The following GRM1 variants were observed in gnomAD, a reference collection of about 807,000 sequenced individuals.
GRM1 encodes metabotropic glutamate receptor 1.
Under a neutral mutation model 90.9 loss-of-function variants are expected in GRM1, and 33 were observed. That is an observed-to-expected ratio of 0.36 (90% CI 0.28 to 0.49). The LOEUF (loss-of-function observed/expected upper bound fraction) is 0.49. Ranked by LOEUF, GRM1 falls within the 20% of genes least tolerant of loss-of-function variation. GRM1 has a pLI of 0.99. For missense variants in GRM1, 1,190 were observed against 1,534.3 expected (o/e 0.78, Z 3.75); for synonymous variants, 700 against 613.2 (o/e 1.14, Z -2.09).
At chr6:146,392,011 G>T (rs573236045) in intron 6 of GRM1, among the ~76,000 whole-genome samples, 15 of 152,250 alleles carry the variant, frequency 9.9e-5, no homozygotes, top group African/African-American at 3.6e-4. Flanking sequence ...TTTATAGCTA[G>T]ATTTGGACAA....
chr6:146,293,916 TA>T (rs943588530), intron 2 of GRM1, among the ~76,000 whole-genome samples: 100 of 151,654 alleles, frequency 6.6e-4, no homozygotes, highest in African/African-American at 2.4e-3. Flanking sequence ...TAAATAATTT[TA>T]AAAAAAATTT....
chr6:146,305,374 A>T (rs548910805), intron 3 of GRM1, among the ~76,000 whole-genome samples: 1 of 152,186 alleles, frequency 6.6e-6, no homozygotes, highest in East Asian at 1.9e-4. Context: ...CCCATGCACT[A>T]CTCACTGATG....
At chr6:146,348,680 C>CT (rs1478967343) in intron 3 of GRM1, among the ~76,000 whole-genome samples, 2 of 152,228 alleles carry the variant, frequency 1.3e-5, no homozygotes, top group African/African-American at 4.8e-5. Context: ...GAATGGGCTT[C>CT]TTTGTCATCA....
rs541295820 is a variant in GRM1, at chr6:146,355,688, T to G, written c.1434-1838T>G. ...AAAACAAACAAACAAACAAAAAAAC[T>G]AGGCCAGATACAGCCAATAGATTTC... On this transcript the variant is annotated intron_variant, in intron 4 of 7. Transcript: ENST00000282753. 3.3e-5 allele frequency among the ~76,000 whole-genome samples: 5 copies of G among 152,218 alleles called. No homozygotes were observed. In the South Asian group the frequency reaches 1.0e-3, roughly 32 times the overall value.
chr6:146,118,492 G>A (rs1463237194), intron 1 of GRM1, among the ~76,000 whole-genome samples: 2 of 152,094 alleles, frequency 1.3e-5, no homozygotes, highest in Non-Finnish European at 2.9e-5. Flanking sequence ...CAACGTGCAG[G>A]GTTGTTACAT....
intron 1 of GRM1, among the ~76,000 whole-genome samples, chr6:146,072,357 T>C (rs1292106713): frequency 6.6e-6 from 1 of 152,188 alleles, no homozygotes; most frequent in African/African-American, 2.4e-5. Flanking sequence ...GATGTTGTGA[T>C]ACCCCTCCCT....
At chr6:146,121,063 G>A (rs578220831) in intron 1 of GRM1, among the ~76,000 whole-genome samples, 2 of 152,204 alleles carry the variant, frequency 1.3e-5, no homozygotes, top group South Asian at 4.2e-4. Context: ...AATCCGTCTC[G>A]TCCTGGGCTT....
At chr6:146,325,933 A>G (rs1377095062) in intron 3 of GRM1, among the ~76,000 whole-genome samples, 1 of 152,192 alleles carries the variant, frequency 6.6e-6, no homozygotes, top group African/African-American at 2.4e-5. Flanking sequence ...CTTAAGTCAT[A>G]TAGAAAATTA....
chr6:146,307,691 C>T (rs1783627390), intron 3 of GRM1, among the ~76,000 whole-genome samples: 1 of 152,160 alleles, frequency 6.6e-6, no homozygotes, highest in Admixed American at 6.5e-5. Context: ...TTGATAGCTA[C>T]TGTTTCTGTC....
At chr6:146,036,316 A>T (rs1790890633) in intron 1 of GRM1, among the ~76,000 whole-genome samples, 1 of 151,996 alleles carries the variant, frequency 6.6e-6, no homozygotes. Context: ...TGCTGTTCTG[A>T]TATATGTTGG....
intron 2 of GRM1, among the ~76,000 whole-genome samples, chr6:146,235,206 C>T (rs2114714155): frequency 6.6e-6 from 1 of 152,252 alleles, no homozygotes; most frequent in East Asian, 1.9e-4. Context: ...AAAATTCTCA[C>T]TTGACCATTT....
At chr6:146,155,371 G>A (rs1232160191) in intron 1 of GRM1, among the ~76,000 whole-genome samples, 2 of 152,138 alleles carry the variant, frequency 1.3e-5, no homozygotes, top group Non-Finnish European at 2.9e-5. Flanking sequence ...CAGGTTTGTA[G>A]CCTAGAAGCA....
chr6:146,415,338 G>A (rs1213463174), intron 7 of GRM1, among the ~76,000 whole-genome samples: 1 of 152,146 alleles, frequency 6.6e-6, no homozygotes, highest in African/African-American at 2.4e-5. Flanking sequence ...TCATCACACT[G>A]GGAGTTAGGA....
chr6:146,304,549 T>C, intron 2 of GRM1, 62 bp from the exon 3 acceptor site: 1 of 1,120,920 alleles, frequency 8.9e-7, no homozygotes, highest in Non-Finnish European at 1.3e-6. Context: ...TATATAACTC[T>C]GAGCTCTATT....
chr6:146,407,959 T>A (rs905909878), intron 7 of GRM1, among the ~76,000 whole-genome samples: 1 of 152,196 alleles, frequency 6.6e-6, no homozygotes, highest in Non-Finnish European at 1.5e-5. Context: ...AGTCAGATGT[T>A]GTTTTTAGTC....
chr6:146,074,032 G>A (rs1180516904), intron 1 of GRM1, among the ~76,000 whole-genome samples: 1 of 152,134 alleles, frequency 6.6e-6, no homozygotes, highest in Non-Finnish European at 1.5e-5. Flanking sequence ...AGGATCATGT[G>A]AATGTTTTAT....
chr6:146,310,801 C>T (rs1783745879), intron 3 of GRM1, among the ~76,000 whole-genome samples: 1 of 152,208 alleles, frequency 6.6e-6, no homozygotes, highest in Admixed American at 6.5e-5. Context: ...TGTCCTAGAT[C>T]AGCCAGTCCC....
chr6:146,090,371 G>A (rs1041743587), intron 1 of GRM1, among the ~76,000 whole-genome samples: 3 of 152,058 alleles, frequency 2.0e-5, no homozygotes, highest in African/African-American at 7.2e-5. Context: ...CCTATTCGTG[G>A]TATGAGACAT....
chr6:146,078,299 G>A (rs889876217), intron 1 of GRM1, among the ~76,000 whole-genome samples: 2 of 152,194 alleles, frequency 1.3e-5, no homozygotes, highest in African/African-American at 4.8e-5. Flanking sequence ...CCTGTGCCAT[G>A]TCTGAACTGC....
Sources: gnomAD v4.1 joint callset for allele counts (sites outside exome capture counted in the v4.1 genomes callset) on GRCh38, gnomAD v4.1.1 for gene constraint, MANE v1.5 for transcripts, NCBI Gene and HGNC (gene_info 2026-07-23, HGNC 2026-07-21) for gene names.